ITPR2: variants seen among roughly 807,000 people sequenced by gnomAD.
ITPR2 encodes the protein inositol 1,4,5-trisphosphate receptor type 2, also known as inositol 1,4,5-trisphosphate-gated calcium channel ITPR2.
ITPR2 carries 207 observed loss-of-function variants against 317.1 expected under a neutral mutation model. The observed-to-expected ratio is 0.65, with a 90% CI of 0.58 to 0.73. The LOEUF (loss-of-function observed/expected upper bound fraction) is 0.73, where lower values mean the gene tolerates loss of function less well. Ranked by LOEUF, ITPR2 falls within the 30% of genes least tolerant of loss-of-function variation. ITPR2 has a pLI of 0.00. For synonymous variants in ITPR2, 1,156 were observed against 1,149.1 expected, an observed-to-expected ratio of 1.01 and a Z score of -0.12; for missense variants, 2,613 against 3,284.0, an observed-to-expected ratio of 0.80 and a Z score of 4.99.
chr12:26,420,386 T>C (rs1940852875), intron 49 of ITPR2, among the ~76,000 whole-genome samples: 1 of 152,172 alleles, frequency 6.6e-6, no homozygotes, highest in African/African-American at 2.4e-5. Flanking sequence ...TATTAACAAA[T>C]TATCGAATGA....
intron 51 of ITPR2, 30 bp from the exon 52 acceptor site, chr12:26,411,442 A>G (rs1940547157): frequency 1.4e-6 from 2 of 1,436,576 alleles, no homozygotes; most frequent in African/African-American, 2.8e-5. Flanking sequence ...TATATAATAT[A>G]GAGTCAAATA....
intron 21 of ITPR2, among the ~76,000 whole-genome samples, chr12:26,645,321 G>A (rs917396626): frequency 6.6e-6 from 1 of 152,144 alleles, no homozygotes; most frequent in African/African-American, 2.4e-5. Context: ...AGACACAAAG[G>A]GACAAGAAGG....
At chr12:26,567,319 T>G (rs1444060009) in intron 34 of ITPR2, among the ~76,000 whole-genome samples, 1 of 152,218 alleles carries the variant, frequency 6.6e-6, no homozygotes, top group Non-Finnish European at 1.5e-5. Flanking sequence ...CAGAATCTCT[T>G]GTAAGCTGCT....
chr12:26,344,061 C>G (rs1316464594), intron 55 of ITPR2, among the ~76,000 whole-genome samples: 1 of 152,096 alleles, frequency 6.6e-6, no homozygotes, highest in African/African-American at 2.4e-5. Context: ...CAAGTTTGGT[C>G]CTTTCTTGCT....
chr12:26,512,747 AC>A (rs1178796728), intron 37 of ITPR2, among the ~76,000 whole-genome samples: 1 of 151,818 alleles, frequency 6.6e-6, no homozygotes, highest in Non-Finnish European at 1.5e-5. Flanking sequence ...GGCAAAATAA[AC>A]TTCTTACATT....
chr12:26,492,642 A>T (rs1942834601), intron 39 of ITPR2, among the ~76,000 whole-genome samples: 1 of 152,194 alleles, frequency 6.6e-6, no homozygotes, highest in South Asian at 2.1e-4. Context: ...TTGATAAGTG[A>T]AATAGTGGAA....
At chr12:26,812,755 A>G (rs1444693341) in intron 1 of ITPR2, among the ~76,000 whole-genome samples, 1 of 152,388 alleles carries the variant, frequency 6.6e-6, no homozygotes, top group East Asian at 1.9e-4. Context: ...AATTTAATTC[A>G]GACGTTAAAT....
At position 26,568,018 on chromosome 12, in the gene ITPR2, ATATAT is replaced by A. The variant is rs1360195600; in HGVS notation, c.4631-6071_4631-6067del. On this transcript the variant is annotated intron_variant, in intron 34 of 56. Transcript: ENST00000381340. Reference sequence around the variant, plus strand: ...TATATTATATATATTATATATATATATATATATATATATAAAATGTCAAAATGTGA... The same window carrying A: ...TATATTATATATATTATATATATATAATATATATAAAATGTCAAAATGTGA... Among the ~76,000 whole-genome samples the A allele has an allele frequency of 8.1e-4, 99 of 122,400 alleles. 7 individuals are homozygous for A. Among genetic ancestry groups the A allele is most frequent in the African/African-American group, 3.2e-3 (95 of 29,834 alleles). 80.3% of individuals were successfully genotyped at this position (122,400 alleles called of 152,430 possible).
intron 13 of ITPR2, among the ~76,000 whole-genome samples, chr12:26,666,592 T>C (rs1477046008): frequency 6.6e-6 from 1 of 152,184 alleles, no homozygotes; most frequent in Admixed American, 6.5e-5. Flanking sequence ...CCTCGCCACA[T>C]TTCAACTTGC....
At chr12:26,663,107 C>A (rs1433769916) in intron 15 of ITPR2, among the ~76,000 whole-genome samples, 1 of 152,198 alleles carries the variant, frequency 6.6e-6, no homozygotes, top group Non-Finnish European at 1.5e-5. Context: ...TCCTTTCTAG[C>A]ATCTATCATT....
At chr12:26,557,573 G>A (rs996486406) in intron 35 of ITPR2, among the ~76,000 whole-genome samples, 2 of 152,176 alleles carry the variant, frequency 1.3e-5, no homozygotes, top group Non-Finnish European at 2.9e-5. Context: ...GACAGCCCTC[G>A]TGTGACCCTG....
chr12:26,650,641 G>A (rs1335437273), intron 21 of ITPR2, among the ~76,000 whole-genome samples: 2 of 152,194 alleles, frequency 1.3e-5, no homozygotes, highest in African/African-American at 2.4e-5. Context: ...TCTTCATGGT[G>A]AAACACTGAA....
intron 55 of ITPR2, among the ~76,000 whole-genome samples, chr12:26,348,504 G>A (rs763877747): frequency 1.2e-4 from 18 of 152,148 alleles, no homozygotes; most frequent in Non-Finnish European, 1.9e-4. Flanking sequence ...TCCTCATCCA[G>A]TTTCTAGTGA....
intron 55 of ITPR2, among the ~76,000 whole-genome samples, chr12:26,367,678 A>T (rs1460430109): frequency 1.3e-5 from 2 of 152,236 alleles, no homozygotes; most frequent in Non-Finnish European, 2.9e-5. Context: ...AAGAATGGGC[A>T]GTAGGAACAA....
At chr12:26,728,098 T>C (rs1948964036) in intron 2 of ITPR2, among the ~76,000 whole-genome samples, 1 of 152,036 alleles carries the variant, frequency 6.6e-6, no homozygotes. Flanking sequence ...CTATACCCCA[T>C]GGAAAACGCT....
rs150335068 is a variant in ITPR2, at chr12:26,492,919, GTATATATA to G, written c.5370+1226_5370+1233del. 3.0e-3 allele frequency among the ~76,000 whole-genome samples: 427 copies of G among 144,460 alleles called. 3 individuals carry two copies. The highest frequency in any genetic ancestry group is 6.3e-3 in the South Asian group (29 of 4,620). 94.8% of individuals were successfully genotyped at this position (144,460 alleles called of 152,430 possible). ...TATGTGTGTGTGTATGTGTGTGTGT[GTATATATA>G]TATATATATATATATAAAAGCATCA... is the stretch of plus-strand genomic sequence containing the variant. On this transcript the variant is annotated intron_variant, in intron 39 of 56. Transcript: ENST00000381340.
chr12:26,820,890 T>C (rs1475126265), intron 1 of ITPR2, among the ~76,000 whole-genome samples: 6 of 152,166 alleles, frequency 3.9e-5, no homozygotes, highest in Non-Finnish European at 7.3e-5. Flanking sequence ...CAGATGAATA[T>C]TGCATGTTTT....
chr12:26,718,472 G>A (rs1177666551), intron 5 of ITPR2, among the ~76,000 whole-genome samples: 6 of 150,848 alleles, frequency 4.0e-5, no homozygotes, highest in Admixed American at 6.6e-5. Context: ...GGGTCAATCC[G>A]TATATTTACT....
intron 46 of ITPR2, among the ~76,000 whole-genome samples, chr12:26,442,849 A>G (rs1423706441): frequency 1.3e-5 from 2 of 152,158 alleles, no homozygotes; most frequent in Non-Finnish European, 2.9e-5. Context: ...GAATGAATGT[A>G]TAAATGTAAA....
Sources: allele counts gnomAD v4.1 joint callset (sites outside exome capture counted in the v4.1 genomes callset), GRCh38; gene constraint gnomAD v4.1.1; transcripts MANE v1.5; gene names NCBI Gene and HGNC (gene_info 2026-07-23, HGNC 2026-07-21).